The following ACTN4 variants were observed in gnomAD, a reference collection of about 807,000 sequenced individuals.
ACTN4 encodes alpha-actinin-4.
Under a neutral mutation model 114.2 loss-of-function variants are expected in ACTN4, and 18 were observed. The observed-to-expected ratio is 0.16, with a 90% CI of 0.11 to 0.23. ACTN4 has a LOEUF of 0.23. Among genes scored for constraint, ACTN4 ranks in the 10% least tolerant of loss-of-function variants. The probability of loss-of-function intolerance (pLI) is 1.00; values close to 1 mark genes in which losing one functional copy is unlikely to be tolerated. For synonymous variants in ACTN4, 515 were observed against 506.3 expected, an observed-to-expected ratio of 1.02 and a Z score of -0.23; for missense variants, 722 against 1,262.9, an observed-to-expected ratio of 0.57 and a Z score of 6.49.
chr19:38,659,402 A>G (rs1356572754), intron 1 of ACTN4, among the ~76,000 whole-genome samples: 5 of 152,150 alleles, frequency 3.3e-5, no homozygotes, highest in African/African-American at 9.7e-5. Context: ...GCCATAGGAT[A>G]GAATTGAATC....
chr19:38,699,748 CCTT>C (rs1366915122), intron 1 of ACTN4, among the ~76,000 whole-genome samples: 5 of 149,920 alleles, frequency 3.3e-5, no homozygotes, highest in South Asian at 2.2e-4. Context: ...GAGCGAGACT[CCTT>C]CTCAAAAAAA....
Position 38,717,002 on chromosome 19 carries a change from C to T in ACTN4, c.913-84C>T. 1.4e-6 allele frequency: 2 copies of T among 1,423,670 alleles called. No homozygotes were observed. The highest frequency in any genetic ancestry group is 1.9e-6 in the Non-Finnish European group (2 of 1,035,458). The allele number at this position is 1,423,670 out of a possible 1,614,324, so 88.2% of individuals were successfully genotyped here. On this transcript the variant is annotated intron_variant, in intron 9 of 20. Coordinates refer to ENST00000252699, the MANE Select transcript of ACTN4 (RefSeq NM_004924.6). The surrounding 1 kb of genome is among the most constrained non-coding windows in gnomAD (Gnocchi z 4.0). Reference sequence around the variant, plus strand: ...AGGTGGGGCCCTCAAAGATCCAGATCCCATGTGCCCATAAGCTGGGGGGCA... The same window carrying T: ...AGGTGGGGCCCTCAAAGATCCAGATTCCATGTGCCCATAAGCTGGGGGGCA...
In ACTN4 at chr19:38,704,644, G is replaced by C. The variant is rs2287730; in HGVS notation, c.398-290G>C. Among the ~76,000 whole-genome samples the C allele has an allele frequency of 3.6e-3, 518 of 144,878 alleles. 5 individuals carry two copies. Among genetic ancestry groups the C allele is most frequent in the East Asian group, 0.031 (148 of 4,800 alleles). On this transcript the variant is annotated intron_variant, in intron 3 of 20. Coordinates refer to ENST00000252699, the MANE Select transcript of ACTN4 (RefSeq NM_004924.6). ...CCTGGGACCAGCCTCTTGGAGGAGC[G>C]GTTTTTTGAGTTGGGTCAGGAGAAG...
In ACTN4 at chr19:38,719,505, C is replaced by T. The variant is rs555314170; in HGVS notation, c.1291+1431C>T. 1.3e-3 allele frequency among the ~76,000 whole-genome samples: 198 copies of T among 152,248 alleles called. 2 individuals are homozygous for T. Among genetic ancestry groups the T allele is most frequent in the African/African-American group, 4.6e-3 (191 of 41,552 alleles). On this transcript the variant is annotated intron_variant, in intron 11 of 20. Transcript: ENST00000252699. ...GCCCCTTTGCTACCAGGAAAGAGTG[C>T]GAGTGAGAGAGTGGATAGTGAGGGA...
intron 1 of ACTN4, among the ~76,000 whole-genome samples, chr19:38,667,284 C>T (rs544190536): frequency 3.4e-4 from 51 of 152,238 alleles, no homozygotes; most frequent in African/African-American, 1.2e-3. Flanking sequence ...GAAGCTGTCA[C>T]CGCCAAGCCT....
At position 38,721,641 on chromosome 19, in the gene ACTN4, G is replaced by T. The variant is rs569281497; in HGVS notation, c.1395G>T (p.Ala465=). 1 of 1,613,882 alleles carries T rather than the reference G, an allele frequency of 6.2e-7. No individual in the cohort carries two copies. ...KHEAFESDLA[A]HQDRVEQIAA... is the part of the protein sequence containing the mutation. ...AGGCCTTCGAGAGCGACCTGGCTGC[G>T]CACCAGGACCGCGTGGAGCAGATCG... Residue 465 remains alanine, a synonymous_variant, in exon 12 of 21, where the codon GCG becomes GCT. Transcript: ENST00000252699.
intron 1 of ACTN4, among the ~76,000 whole-genome samples, chr19:38,668,617 C>T (rs902952467): frequency 6.6e-6 from 1 of 152,014 alleles, no homozygotes; most frequent in Non-Finnish European, 1.5e-5. Flanking sequence ...ACCTGAGAGG[C>T]GGAGGTTGCA....
chr19:38,725,675 G>T (rs776626049), intron 16 of ACTN4, 49 bp from the exon 17 acceptor site: 3 of 1,596,016 alleles, frequency 1.9e-6, no homozygotes, highest in Non-Finnish European at 2.6e-6. Flanking sequence ...GGTGGTCAGT[G>T]GGGGCAGGCC....
At chr19:38,725,625 C>T (rs1389318779) in intron 16 of ACTN4, 99 bp from the exon 17 acceptor site, 26 of 1,430,460 alleles carry the variant, frequency 1.8e-5, no homozygotes, top group African/African-American at 1.6e-4. Flanking sequence ...AAAGGGGCCC[C>T]GGGGAAGATG....
chr19:38,725,843 G>C lies in ACTN4; in HGVS notation c.2130G>C (p.Gln710His). Reference protein sequence around the residue: ...YKPNLDLLEQQHQLIQEALIF... With the variant: ...YKPNLDLLEQHHQLIQEALIF... ...CCAACCTGGACCTGCTGGAGCAGCA[G>C]CACCAGCTCATCCAGGAGGCCCTCA... is the stretch of plus-strand genomic sequence containing the variant. The change falls in exon 17 of 21, where the codon CAG (glutamine) becomes CAC (histidine). Residue 710 changes from glutamine to histidine, a missense_variant. Around this residue, in one of 3 missense-constraint regions of ACTN4, gnomAD observed 523 missense variants for 875.9 expected, o/e 0.60. Coordinates refer to ENST00000252699, the MANE Select transcript of ACTN4 (RefSeq NM_004924.6). 1 of 1,614,182 alleles carries C rather than the reference G, an allele frequency of 6.2e-7. No individual in the cohort carries two copies. The highest frequency in any genetic ancestry group is 8.5e-7 in the Non-Finnish European group (1 of 1,180,050).
At chr19:38,649,528 T>C (rs1361945271) in intron 1 of ACTN4, among the ~76,000 whole-genome samples, 5 of 152,192 alleles carry the variant, frequency 3.3e-5, no homozygotes, top group Non-Finnish European at 7.3e-5. Context: ...GCAGTTTTGT[T>C]ATCTGCAAAA....
At chr19:38,695,544 T>G (rs2024351730) in intron 1 of ACTN4, among the ~76,000 whole-genome samples, 1 of 152,198 alleles carries the variant, frequency 6.6e-6, no homozygotes, top group Non-Finnish European at 1.5e-5. Context: ...CCTGCTTTAT[T>G]CCTGGCCATC....
chr19:38,652,637 C>A (rs970264187), intron 1 of ACTN4, among the ~76,000 whole-genome samples: 1 of 152,198 alleles, frequency 6.6e-6, no homozygotes, highest in African/African-American at 2.4e-5. Context: ...TGCTAAAAGC[C>A]TCCATTTAAC....
Position 38,707,829 on chromosome 19 carries a change from A to AT in ACTN4, c.573-287dup, listed in dbSNP as rs1968511548. Among the ~76,000 whole-genome samples the AT allele has an allele frequency of 2.6e-5, 4 of 152,316 alleles. 1 individual carries two copies. The South Asian group carries it at 8.3e-4, about 32-fold the overall frequency. On this transcript the variant is annotated intron_variant, in intron 5 of 20. Transcript: ENST00000252699. The stretch of plus-strand genomic sequence containing the variant: ...CTCATTTAATCCGCACAACAGCCCT[A>AT]TGTAGCAGGTATGTCACTATCCCCA...
At chr19:38,669,581 C>G (rs1967071293) in intron 1 of ACTN4, among the ~76,000 whole-genome samples, 1 of 152,150 alleles carries the variant, frequency 6.6e-6, no homozygotes, top group Non-Finnish European at 1.5e-5. Flanking sequence ...GTGGCAGAAG[C>G]CATCCCTAGC....
intron 1 of ACTN4, among the ~76,000 whole-genome samples, chr19:38,651,317 G>A (rs1463412333): frequency 2.0e-5 from 3 of 152,166 alleles, no homozygotes; most frequent in Admixed American, 6.5e-5. Flanking sequence ...CCTGTAACCC[G>A]TAAGTAGGTT....
chr19:38,718,150 G>A (rs1461265349), intron 11 of ACTN4, 76 bp downstream of exon 11: 3 of 1,553,446 alleles, frequency 1.9e-6, no homozygotes, highest in South Asian at 1.2e-5. Flanking sequence ...ATGCATGGGT[G>A]TGCACACACA....
intron 19 of ACTN4, 53 bp downstream of exon 19, chr19:38,728,079 C>T (rs1258416743): frequency 1.5e-5 from 23 of 1,549,496 alleles, no homozygotes; most frequent in Non-Finnish European, 2.0e-5. Flanking sequence ...CTCTCTCTCT[C>T]TCTCCTTCTC....
At chr19:38,720,195 C>T (rs1409308670) in intron 11 of ACTN4, among the ~76,000 whole-genome samples, 5 of 152,238 alleles carry the variant, frequency 3.3e-5, no homozygotes, top group South Asian at 2.1e-4. Flanking sequence ...CCCCACAGCC[C>T]GCAGCGGGAG....
Sources: allele counts gnomAD v4.1 joint callset (sites outside exome capture counted in the v4.1 genomes callset), GRCh38; gene constraint gnomAD v4.1.1; regional missense constraint gnomAD v4.1.1; non-coding constraint Gnocchi (gnomAD v3.1); transcripts MANE v1.5; gene names NCBI Gene and HGNC (gene_info 2026-07-23, HGNC 2026-07-21).